The following SPAG16 variants were observed in gnomAD, a reference collection of about 807,000 sequenced individuals.
SPAG16 encodes the protein sperm-associated antigen 16 protein.
SPAG16 carries 86 observed loss-of-function variants against 80.4 expected under a neutral mutation model. The ratio of observed to expected loss-of-function variants is 1.07; its 90% confidence interval spans 0.90 to 1.28. SPAG16 has a LOEUF of 1.28. Ranked by LOEUF, SPAG16 falls within the 50% of genes most tolerant of loss-of-function variation. The probability of loss-of-function intolerance (pLI) is 0.00; values close to 1 mark genes in which losing one functional copy is unlikely to be tolerated. For missense variants in SPAG16, 870 were observed against 765.3 expected (o/e 1.14, Z -1.61); for synonymous variants, 294 against 265.9 (o/e 1.11, Z -1.03).
In SPAG16 at chr2:213,422,077, G is replaced by A. The variant is rs1227264666; in HGVS notation, c.942+46958G>A. ...GAACTCGGGACCCACTAACTGGTAG[G>A]GGACTAAAAGAGCTGTAACCCAAAC... On this transcript the variant is annotated intron_variant, in intron 9 of 15. Coordinates refer to ENST00000331683, the MANE Select transcript of SPAG16 (RefSeq NM_024532.5). The A allele has an allele frequency of 1.4e-5, 9 of 625,008 alleles. No homozygotes were observed. In the East Asian group the frequency reaches 2.5e-4, roughly 17 times the overall value. 38.7% of individuals were successfully genotyped at this position (625,008 alleles called of 1,614,324 possible). A position where few individuals can be genotyped will look rare whatever the true frequency, so the allele number is the denominator to read the frequency against.
chr2:213,415,033 A>G (rs1276836156), intron 9 of SPAG16, among the ~76,000 whole-genome samples: 2 of 152,240 alleles, frequency 1.3e-5, no homozygotes, highest in African/African-American at 4.8e-5. Context: ...AACCGCCCCC[A>G]TGATTCAATT....
chr2:213,476,531 G>A (rs897631751), intron 9 of SPAG16, among the ~76,000 whole-genome samples: 7 of 152,190 alleles, frequency 4.6e-5, no homozygotes, highest in Non-Finnish European at 7.3e-5. Flanking sequence ...AAGGCCCAGT[G>A]TTCTATCTGT....
chr2:213,605,213 A>T (rs1408404593), intron 10 of SPAG16, among the ~76,000 whole-genome samples: 1 of 151,996 alleles, frequency 6.6e-6, no homozygotes, highest in African/African-American at 2.4e-5. Context: ...AAAATACTGG[A>T]TAATTTTGAA....
At chr2:213,317,768 G>A in intron 5 of SPAG16, 1 of 980,712 alleles carries the variant, frequency 1.0e-6, no homozygotes, top group South Asian at 4.6e-5. Flanking sequence ...TTCTCCAGAA[G>A]GAATAATATA....
chr2:213,306,661 C>T (rs1463341157), intron 3 of SPAG16, among the ~76,000 whole-genome samples: 7 of 151,950 alleles, frequency 4.6e-5, no homozygotes, highest in South Asian at 2.1e-4. Flanking sequence ...CTTGCTAGGG[C>T]TGGTTGAAAT....
intron 10 of SPAG16, among the ~76,000 whole-genome samples, chr2:213,601,981 C>T (rs896273916): frequency 2.6e-5 from 4 of 152,210 alleles, no homozygotes; most frequent in Non-Finnish European, 5.9e-5. Context: ...ATAAGAGGCA[C>T]ACAAGCTAGA....
chr2:213,372,551 C>A (rs1166538430), intron 8 of SPAG16, among the ~76,000 whole-genome samples: 1 of 152,088 alleles, frequency 6.6e-6, no homozygotes, highest in Non-Finnish European at 1.5e-5. Context: ...ATGCCAAATT[C>A]ATGTAATTAT....
At chr2:214,220,400 C>T (rs1038586948) in intron 15 of SPAG16, among the ~76,000 whole-genome samples, 3 of 152,048 alleles carry the variant, frequency 2.0e-5, no homozygotes, top group Admixed American at 6.6e-5. Flanking sequence ...TGTCTGCTTA[C>T]GACACGGAAA....
intron 10 of SPAG16, among the ~76,000 whole-genome samples, chr2:213,585,736 A>T (rs563855710): frequency 2.6e-5 from 4 of 152,322 alleles, no homozygotes; most frequent in Non-Finnish European, 5.9e-5. Flanking sequence ...TTATTCTTGG[A>T]GAGGTGAAAT....
At chr2:213,642,976 A>G (rs1357253277) in intron 10 of SPAG16, among the ~76,000 whole-genome samples, 2 of 151,610 alleles carry the variant, frequency 1.3e-5, no homozygotes, top group Non-Finnish European at 2.9e-5. Flanking sequence ...CTCAGCCTGC[A>G]GATGGCTTAT....
At chr2:213,782,481 T>A (rs1175284571) in intron 10 of SPAG16, among the ~76,000 whole-genome samples, 1 of 152,202 alleles carries the variant, frequency 6.6e-6, no homozygotes, top group East Asian at 1.9e-4. Context: ...CTTCAGCAAC[T>A]TTCAATGAAG....
At chr2:213,652,217 T>A (rs1363228744) in intron 10 of SPAG16, among the ~76,000 whole-genome samples, 1 of 152,180 alleles carries the variant, frequency 6.6e-6, no homozygotes, top group Non-Finnish European at 1.5e-5. Context: ...TAGCTGATAT[T>A]TATAAAGTGT....
intron 10 of SPAG16, among the ~76,000 whole-genome samples, chr2:213,713,678 A>G (rs1272819827): frequency 6.6e-6 from 1 of 152,184 alleles, no homozygotes; most frequent in Non-Finnish European, 1.5e-5. Flanking sequence ...GTAAAAATTC[A>G]AGGCAGGGAA....
intron 15 of SPAG16, among the ~76,000 whole-genome samples, chr2:214,258,898 T>C (rs1690916545): frequency 1.3e-5 from 2 of 152,042 alleles, no homozygotes; most frequent in South Asian, 2.1e-4. Context: ...TTTTATATAG[T>C]TTCCATTTCC....
chr2:213,341,990 A>G (rs2064709198), intron 6 of SPAG16, among the ~76,000 whole-genome samples: 1 of 152,058 alleles, frequency 6.6e-6, no homozygotes, highest in South Asian at 2.1e-4. Context: ...GATTAAACAG[A>G]GTTTTTCTAG....
At chr2:213,681,078 G>T (rs567218950) in intron 10 of SPAG16, among the ~76,000 whole-genome samples, 1 of 152,254 alleles carries the variant, frequency 6.6e-6, no homozygotes, top group Non-Finnish European at 1.5e-5. Context: ...TTTCTTATCA[G>T]ACCTAAAAGG....
At chr2:214,194,704 G>C (rs1201010568) in intron 15 of SPAG16, among the ~76,000 whole-genome samples, 1 of 151,982 alleles carries the variant, frequency 6.6e-6, no homozygotes, top group Non-Finnish European at 1.5e-5. Flanking sequence ...TGGCAAAAAG[G>C]GATGTCAGAT....
At chr2:213,964,303 C>T (rs935441994) in intron 12 of SPAG16, among the ~76,000 whole-genome samples, 2 of 151,880 alleles carry the variant, frequency 1.3e-5, no homozygotes, top group Admixed American at 1.3e-4. Context: ...CTTTTATAAT[C>T]ATCTCTATTT....
chr2:213,348,682 C>A (rs1304058738), intron 6 of SPAG16, among the ~76,000 whole-genome samples: 2 of 152,140 alleles, frequency 1.3e-5, no homozygotes, highest in Non-Finnish European at 2.9e-5. Context: ...AAATTCTTTT[C>A]TTTCAGAATG....
Sources: gnomAD v4.1 joint callset for allele counts (sites outside exome capture counted in the v4.1 genomes callset) on GRCh38, gnomAD v4.1.1 for gene constraint, MANE v1.5 for transcripts, NCBI Gene and HGNC (gene_info 2026-07-23, HGNC 2026-07-21) for gene names.